The following TENT4A variants were observed in gnomAD, a reference collection of about 807,000 sequenced individuals.
The protein encoded by TENT4A is DNA polymerase kappa.
TENT4A carries 7 observed loss-of-function variants against 72.8 expected under a neutral mutation model. The ratio of observed to expected loss-of-function variants is 0.10; its 90% CI spans 0.05 to 0.18. The LOEUF (loss-of-function observed/expected upper bound fraction) is 0.18. TENT4A is among the 10% of genes least tolerant of loss of function. The probability of loss-of-function intolerance (pLI) is 1.00; values close to 1 mark genes in which losing one functional copy is unlikely to be tolerated. For synonymous variants in TENT4A, 456 were observed against 434.3 expected (o/e 1.05, Z -0.62); for missense variants, 831 against 1,017.7 (o/e 0.82, Z 2.50).
chr5:6,748,244 C>T (rs934069803), intron 7 of TENT4A, among the ~76,000 whole-genome samples: 2 of 152,218 alleles, frequency 1.3e-5, no homozygotes, highest in African/African-American at 4.8e-5. Context: ...GTCCTCTCGG[C>T]ACTCACAGAC....
chr5:6,719,776 G>C (rs186257480), intron 1 of TENT4A, among the ~76,000 whole-genome samples: 1 of 152,332 alleles, frequency 6.6e-6, no homozygotes, highest in East Asian at 1.9e-4. Context: ...CTATTTTTGA[G>C]ATTTCTATGT....
At chr5:6,733,973 C>A (rs1290616432) in intron 1 of TENT4A, among the ~76,000 whole-genome samples, 1 of 152,228 alleles carries the variant, frequency 6.6e-6, no homozygotes, top group Non-Finnish European at 1.5e-5. Flanking sequence ...TCAAATTATT[C>A]ATTGCAGAGG....
intron 3 of TENT4A, among the ~76,000 whole-genome samples, chr5:6,739,425 C>T (rs1042457412): frequency 1.3e-5 from 2 of 152,214 alleles, no homozygotes; most frequent in African/African-American, 4.8e-5. Flanking sequence ...AGCGGGGCCT[C>T]AGCCTGGTTT....
intron 1 of TENT4A, among the ~76,000 whole-genome samples, chr5:6,720,581 C>T (rs1207700384): frequency 6.6e-6 from 1 of 151,912 alleles, no homozygotes; most frequent in Non-Finnish European, 1.5e-5. Flanking sequence ...GAGGCAGAGG[C>T]AGGAGAATCC....
intron 6 of TENT4A, 39 bp downstream of exon 6, chr5:6,743,879 G>A (rs998252338): frequency 6.2e-7 from 1 of 1,603,708 alleles, no homozygotes. Flanking sequence ...GTTGAGACAT[G>A]TGTAAGAGTA....
Position 6,714,352 on chromosome 5 carries a change from C to G in TENT4A, c.369C>G (p.Thr123=). Residue 123 remains threonine (T), a synonymous_variant, in exon 1 of 13, where the codon ACC becomes ACG. Coordinates refer to ENST00000230859, the MANE Select transcript of TENT4A (RefSeq NM_006999.6). ...SSSSSNAESG[T]ESPGCSSSSS... ...CCTCGTCCAACGCGGAGTCGGGCAC[C>G]GAGAGCCCCGGCTGCTCGTCGTCGT... 5 of 1,138,480 alleles carry G rather than the reference C, an allele frequency of 4.4e-6. No homozygotes were observed. Among genetic ancestry groups the G allele is most frequent in the Non-Finnish European group, 5.4e-6 (5 of 928,506 alleles). The allele number at this position is 1,138,480 out of a possible 1,614,324, so 70.5% of individuals were successfully genotyped here.
intron 1 of TENT4A, among the ~76,000 whole-genome samples, chr5:6,717,646 T>C (rs745575676): frequency 6.6e-6 from 1 of 152,046 alleles, no homozygotes; most frequent in African/African-American, 2.4e-5. Context: ...CATTGTTTGA[T>C]TGAAATCTCA....
chr5:6,746,555 A>G (rs753506389), intron 7 of TENT4A, 128 bp downstream of exon 7: 275 of 712,376 alleles, frequency 3.9e-4, no homozygotes, highest in Admixed American at 7.2e-4. Context: ...TTTCTCTTAT[A>G]CTAACCAGTT....
intron 1 of TENT4A, among the ~76,000 whole-genome samples, chr5:6,721,166 A>C (rs1206020676): frequency 6.6e-6 from 1 of 152,188 alleles, no homozygotes; most frequent in Non-Finnish European, 1.5e-5. Flanking sequence ...TCTTAGTGCC[A>C]AGCACACGGT....
At chr5:6,730,803 A>G (rs999672760) in intron 1 of TENT4A, among the ~76,000 whole-genome samples, 1 of 150,960 alleles carries the variant, frequency 6.6e-6, no homozygotes, top group Non-Finnish European at 1.5e-5. Flanking sequence ...TGAGTTTTCT[A>G]ATTTGTGCAG....
At chr5:6,741,608 T>A (rs372424984) in intron 4 of TENT4A, among the ~76,000 whole-genome samples, 1 of 152,264 alleles carries the variant, frequency 6.6e-6, no homozygotes, top group Non-Finnish European at 1.5e-5. Context: ...GCCTCAGGGC[T>A]TACCCTGCCT....
At chr5:6,734,228 C>T (rs931706549) in intron 1 of TENT4A, among the ~76,000 whole-genome samples, 1 of 152,344 alleles carries the variant, frequency 6.6e-6, no homozygotes, top group African/African-American at 2.4e-5. Context: ...GGGCGGTGCC[C>T]TCACGTGGGT....
intron 1 of TENT4A, among the ~76,000 whole-genome samples, chr5:6,725,530 C>A (rs1740874277): frequency 6.6e-6 from 1 of 152,198 alleles, no homozygotes; most frequent in African/African-American, 2.4e-5. Context: ...GTGCTGTCAT[C>A]ACCAGTTGTA....
At chr5:6,753,061 C>A in intron 12 of TENT4A, 24 bp downstream of exon 12, 1 of 1,572,872 alleles carries the variant, frequency 6.4e-7, no homozygotes. Flanking sequence ...CTGGTGCATT[C>A]ACCTACCTGT....
intron 1 of TENT4A, among the ~76,000 whole-genome samples, chr5:6,728,002 T>G (rs1384502276): frequency 6.6e-6 from 1 of 152,232 alleles, no homozygotes; most frequent in Admixed American, 6.5e-5. Flanking sequence ...TCATACTTAC[T>G]TTGTGTAATT....
At position 6,723,883 on chromosome 5, in the gene TENT4A, T is replaced by C. The variant is rs192495016; in HGVS notation, c.716+9184T>C. On this transcript the variant is annotated intron_variant, in intron 1 of 12. Transcript: ENST00000230859. ...GAACTGGCCTGGAGGGAGGCTGCAG[T>C]GTGGAAGCGGGATTTCTGTCACCTG... 1.9e-3 allele frequency among the ~76,000 whole-genome samples: 294 copies of C among 152,248 alleles called. 2 individuals are homozygous for C. Among genetic ancestry groups the C allele is most frequent in the African/African-American group, 7.0e-3 (290 of 41,546 alleles).
At chr5:6,742,693 AC>A in intron 5 of TENT4A, 96 bp downstream of exon 5, 2 of 736,486 alleles carry the variant, frequency 2.7e-6, no homozygotes, top group Non-Finnish European at 5.0e-6. Flanking sequence ...AGCTGCACAC[AC>A]AAGTCTTTCG....
chr5:6,720,792 G>T (rs1211916548), intron 1 of TENT4A, among the ~76,000 whole-genome samples: 1 of 152,150 alleles, frequency 6.6e-6, no homozygotes, highest in Non-Finnish European at 1.5e-5. Context: ...GAGGTGTCCT[G>T]CATTGGCTAG....
At position 6,743,757 on chromosome 5, in the gene TENT4A, C is replaced by T; in HGVS notation, c.1162C>T (p.Leu388Phe). The T allele has an allele frequency of 6.2e-7, 1 of 1,613,078 alleles. No homozygotes were observed. Among genetic ancestry groups the T allele is most frequent in the Non-Finnish European group, 8.5e-7 (1 of 1,179,100 alleles). ...CTTGATTTTAGTATTGAAACAGTTC[C>T]TTCTGCAGAGGGACCTGAATGAAGT... is the stretch of plus-strand genomic sequence containing the variant. Reference protein sequence around the residue: ...PYLILVLKQFLLQRDLNEVFT... With the variant: ...PYLILVLKQFFLQRDLNEVFT... The change falls in exon 6 of 13, where the codon CTT becomes TTT. Residue 388 changes from leucine to phenylalanine, a missense_variant. Coordinates refer to ENST00000230859, the MANE Select transcript of TENT4A (RefSeq NM_006999.6).
Sources: allele counts gnomAD v4.1 joint callset (sites outside exome capture counted in the v4.1 genomes callset), GRCh38; gene constraint gnomAD v4.1.1; transcripts MANE v1.5; gene names NCBI Gene and HGNC (gene_info 2026-07-23, HGNC 2026-07-21).